LCA5: variants seen among roughly 807,000 people sequenced by gnomAD.
The protein encoded by LCA5 is lebercilin LCA5.
Under a neutral mutation model 53.0 loss-of-function variants are expected in LCA5, and 37 were observed. The ratio of observed to expected loss-of-function variants is 0.70; its 90% CI spans 0.54 to 0.92. LCA5 has a LOEUF of 0.92. Ranked by LOEUF, LCA5 falls within the 40% of genes least tolerant of loss-of-function variation. The probability of loss-of-function intolerance (pLI) is 0.00; values close to 1 mark genes in which losing one functional copy is unlikely to be tolerated. For synonymous variants in LCA5, 303 were observed against 282.9 expected, an observed-to-expected ratio of 1.07 and a Z score of -0.71; for missense variants, 806 against 790.5, an observed-to-expected ratio of 1.02 and a Z score of -0.23.
At chr6:79,538,645 G>A (rs1268774055), upstream of LCA5, among the ~76,000 whole-genome samples, 1 of 152,210 alleles carries the variant, frequency 6.6e-6, no homozygotes, top group Non-Finnish European at 1.5e-5. Flanking sequence ...ACATGTAAAT[G>A]TATGGGTGGA....
intron 3 of LCA5, among the ~76,000 whole-genome samples, chr6:79,507,599 C>T (rs77539964): frequency 0.018 from 2,705 of 152,076 alleles, 77 homozygotes; most frequent in African/African-American, 0.061. Flanking sequence ...CTTAAGCACA[C>T]CTTGAGAATG....
At chr6:79,533,350 G>T (rs1252450720) in intron 1 of LCA5, among the ~76,000 whole-genome samples, 1 of 151,976 alleles carries the variant, frequency 6.6e-6, no homozygotes, top group Non-Finnish European at 1.5e-5. Flanking sequence ...CAGGAGGAGG[G>T]GGGAGCGAGG....
At chr6:79,536,081 T>C (rs1251372421) in intron 1 of LCA5, among the ~76,000 whole-genome samples, 1 of 152,224 alleles carries the variant, frequency 6.6e-6, no homozygotes, top group Admixed American at 6.5e-5. Context: ...AATGATACTT[T>C]GTCAACTTAG....
Position 79,506,576 on chromosome 6 carries a change from C to G in LCA5, c.720+6636G>C, listed in dbSNP as rs529517723. Among the ~76,000 whole-genome samples the G allele has an allele frequency of 4.6e-5, 7 of 152,172 alleles. No individual in the cohort carries two copies. In the South Asian group the frequency reaches 1.5e-3, roughly 32 times the overall value. On this transcript the variant is annotated intron_variant, in intron 3 of 7. Coordinates refer to ENST00000369846, the MANE Select transcript of LCA5 (RefSeq NM_001122769.3). Reference sequence around the variant, plus strand: ...CCCTATTTGAAGCCAGTCTCTAGACCACTAAGAAATGGTGCAGTCTTGCAG... The same window carrying G: ...CCCTATTTGAAGCCAGTCTCTAGACGACTAAGAAATGGTGCAGTCTTGCAG...
rs200013725 is a variant in LCA5, at chr6:79,501,730, TCTATAA to T, written c.721-7986_721-7981del. On this transcript the variant is annotated intron_variant, in intron 3 of 7. Transcript: ENST00000369846. ...TAATATATGGCATATACTATATACA[TCTATAA>T]CTATAACAGAATTCTATAACTGTAT... Among the ~76,000 whole-genome samples, 1,435 of 150,834 alleles carry T rather than the reference TCTATAA, an allele frequency of 9.5e-3. 11 individuals carry two copies. Among genetic ancestry groups the T allele is most frequent in the South Asian group, 0.038 (180 of 4,784 alleles).
intron 1 of LCA5, among the ~76,000 whole-genome samples, chr6:79,522,875 T>C (rs1359213429): frequency 2.7e-5 from 4 of 147,864 alleles, no homozygotes; most frequent in African/African-American, 1.0e-4. Flanking sequence ...TAAGGAATTA[T>C]ATTGTTTTAG....
intron 3 of LCA5, among the ~76,000 whole-genome samples, chr6:79,503,870 T>G (rs1770208968): frequency 6.6e-6 from 1 of 152,246 alleles, no homozygotes; most frequent in South Asian, 2.1e-4. Context: ...ACAGTCTAAC[T>G]AATAGTCTAA....
At chr6:79,510,776 A>G (rs960866742) in intron 3 of LCA5, among the ~76,000 whole-genome samples, 1 of 152,180 alleles carries the variant, frequency 6.6e-6, no homozygotes, top group Non-Finnish European at 1.5e-5. Context: ...GGGCAGAAAA[A>G]TGCACAGATC....
At chr6:79,511,466 G>A (rs1770408300) in intron 3 of LCA5, among the ~76,000 whole-genome samples, 1 of 152,112 alleles carries the variant, frequency 6.6e-6, no homozygotes, top group Non-Finnish European at 1.5e-5. Context: ...GGTTAGTGAG[G>A]GGAAGGCAGG....
chr6:79,519,531 A>C (rs1766558122), intron 1 of LCA5, among the ~76,000 whole-genome samples: 1 of 152,058 alleles, frequency 6.6e-6, no homozygotes, highest in Non-Finnish European at 1.5e-5. Context: ...CAAGAAACCA[A>C]CAAGGTGAAA....
At chr6:79,521,516 G>C (rs1766624157) in intron 1 of LCA5, among the ~76,000 whole-genome samples, 1 of 152,136 alleles carries the variant, frequency 6.6e-6, no homozygotes, top group African/African-American at 2.4e-5. Context: ...AAACAAATGA[G>C]TAATTATTAT....
In LCA5 at chr6:79,487,831, C is replaced by T. The variant is rs777920075; in HGVS notation, c.1267G>A (p.Glu423Lys). 1.4e-5 allele frequency: 22 copies of T among 1,608,150 alleles called. No homozygotes were observed. Among genetic ancestry groups the T allele is most frequent in the Non-Finnish European group, 1.7e-5 (20 of 1,178,176 alleles). Residue 423 changes from glutamate (E) to lysine (K), a missense_variant, in exon 8 of 8, where the codon GAA (glutamate) becomes AAA (lysine). Glu to Lys is a moderately conservative substitution (Grantham distance 56). Transcript: ENST00000369846. Reference protein sequence around the residue: ...EREELDKKQKEKASLLEREEK... With the variant: ...EREELDKKQKKKASLLEREEK... ...TCTCTTTCCAGTAAAGATGCCTTTTCTTTTTGCTTTTTATCAAGTTCTTCT... is the reference window on the plus strand; with the variant it reads ...TCTCTTTCCAGTAAAGATGCCTTTTTTTTTTGCTTTTTATCAAGTTCTTCT...
intron 3 of LCA5, among the ~76,000 whole-genome samples, chr6:79,499,416 T>C (rs1770070276): frequency 6.6e-6 from 1 of 152,056 alleles, no homozygotes; most frequent in Non-Finnish European, 1.5e-5. Context: ...AAAGGATGTT[T>C]GGAGAAAAGA....
chr6:79,495,740 G>A lies in LCA5; in HGVS notation c.721-1990C>T, dbSNP rs1222646947. Among the ~76,000 whole-genome samples the A allele has an allele frequency of 2.3e-5, 3 of 130,000 alleles. No individual in the cohort carries two copies. The East Asian group carries it at 8.2e-4, about 36-fold the overall frequency. 85.3% of individuals were successfully genotyped at this position (130,000 alleles called of 152,430 possible). On this transcript the variant is annotated intron_variant, in intron 3 of 7. Coordinates refer to ENST00000369846, the MANE Select transcript of LCA5 (RefSeq NM_001122769.3). ...CACTCCAGCCTGGGTGACAGAGCAAGACTCCATCTCAAAAAAAAAAAAAAA... is the reference window on the plus strand; with the variant it reads ...CACTCCAGCCTGGGTGACAGAGCAAAACTCCATCTCAAAAAAAAAAAAAAA...
At chr6:79,505,027 T>C (rs896600790) in intron 3 of LCA5, among the ~76,000 whole-genome samples, 1 of 152,184 alleles carries the variant, frequency 6.6e-6, no homozygotes, top group African/African-American at 2.4e-5. Flanking sequence ...TGGAAGGGGC[T>C]TGCAACGCGT....
chr6:79,522,793 C>A (rs1421600282), intron 1 of LCA5, among the ~76,000 whole-genome samples: 1 of 152,072 alleles, frequency 6.6e-6, no homozygotes, highest in Non-Finnish European at 1.5e-5. Context: ...CTCAGGCAAT[C>A]CTCCCACCTC....
chr6:79,505,834 C>T (rs888046473), intron 3 of LCA5, among the ~76,000 whole-genome samples: 2 of 152,058 alleles, frequency 1.3e-5, no homozygotes, highest in Admixed American at 1.3e-4. Context: ...AGTGATCCTA[C>T]CTGGCCCAAT....
chr6:79,501,190 A>G (rs755780536), intron 3 of LCA5, among the ~76,000 whole-genome samples: 5 of 152,148 alleles, frequency 3.3e-5, no homozygotes, highest in Non-Finnish European at 7.4e-5. Context: ...ACTAAACTTT[A>G]TCTTGCTTAT....
chr6:79,514,582 T>C (rs1450959159), intron 2 of LCA5, among the ~76,000 whole-genome samples: 2 of 152,160 alleles, frequency 1.3e-5, no homozygotes, highest in African/African-American at 4.8e-5. Flanking sequence ...TGCAGCACTA[T>C]TCACAATAGC....
Sources: allele counts gnomAD v4.1 joint callset (sites outside exome capture counted in the v4.1 genomes callset), GRCh38; gene constraint gnomAD v4.1.1; transcripts MANE v1.5; gene names NCBI Gene and HGNC (gene_info 2026-07-23, HGNC 2026-07-21).